The following COMMD10 variants were observed in gnomAD, a reference collection of about 807,000 sequenced individuals.
COMMD10 encodes COMM domain containing 10.
In COMMD10, 33 loss-of-function variants were observed where a neutral mutation model predicts 28.9. That is an observed-to-expected ratio of 1.14 (90% CI 0.87 to 1.53). COMMD10 has a LOEUF of 1.53. Ranked by LOEUF, COMMD10 falls within the 40% of genes most tolerant of loss-of-function variation. COMMD10 has a pLI of 0.00. For missense variants in COMMD10, 310 were observed against 233.4 expected (o/e 1.33, Z -2.14); for synonymous variants, 110 against 81.7 (o/e 1.35, Z -1.87).
intron 5 of COMMD10, among the ~76,000 whole-genome samples, chr5:116,230,692 T>C (rs1749507885): frequency 6.6e-6 from 1 of 152,040 alleles, no homozygotes; most frequent in Non-Finnish European, 1.5e-5. Context: ...GAAAGCAGTC[T>C]CCTCTTTTAC....
At chr5:116,218,136 TG>T in intron 5 of COMMD10, 1 of 1,232,662 alleles carries the variant, frequency 8.1e-7, no homozygotes, top group Non-Finnish European at 1.2e-6. Context: ...TTTCTCCCTT[TG>T]GGTACCTTCT....
intron 5 of COMMD10, among the ~76,000 whole-genome samples, chr5:116,187,041 G>C (rs542224263): frequency 2.1e-4 from 32 of 152,092 alleles, no homozygotes; most frequent in African/African-American, 7.7e-4. Context: ...TATTTATTGA[G>C]TACTACTCAG....
intron 5 of COMMD10, among the ~76,000 whole-genome samples, chr5:116,145,794 C>T (rs868862999): frequency 1.3e-5 from 2 of 151,888 alleles, no homozygotes; most frequent in Admixed American, 6.6e-5. Flanking sequence ...GGCTCTTACC[C>T]CTTTGCTCAG....
chr5:116,241,401 T>G, intron 5 of COMMD10, among the ~76,000 whole-genome samples: 1 of 152,060 alleles, frequency 6.6e-6, no homozygotes, highest in South Asian at 2.1e-4. Flanking sequence ...ATCTGTAATT[T>G]TCTGAGCCAC....
intron 5 of COMMD10, among the ~76,000 whole-genome samples, chr5:116,284,321 ATT>A (rs1297632332): frequency 2.0e-5 from 3 of 148,354 alleles, no homozygotes; most frequent in African/African-American, 5.2e-5. Context: ...CATCTAAAGG[ATT>A]GTATGTGTGT....
intron 5 of COMMD10, among the ~76,000 whole-genome samples, chr5:116,163,619 C>G (rs1464800597): frequency 6.6e-6 from 1 of 151,680 alleles, no homozygotes; most frequent in Non-Finnish European, 1.5e-5. Context: ...TAAAATAAAC[C>G]AAAAACTCAA....
chr5:116,091,278 A>G lies in COMMD10; in HGVS notation c.243+89A>G, dbSNP rs41296579. 181 of 580,466 alleles carry G rather than the reference A, an allele frequency of 3.1e-4. 1 individual carries two copies. Among genetic ancestry groups the G allele is most frequent in the Middle Eastern group, 9.4e-4 (2 of 2,124 alleles). The allele number at this position is 580,466 out of a possible 1,614,324, so 36.0% of individuals were successfully genotyped here. On this transcript the variant is annotated intron_variant, in intron 3 of 6. Transcript: ENST00000274458. ...TATCTATGACATTCTGTTTTTTTTA[A>G]TTAAAAAGTATGCAAGATGGAAGCT...
intron 5 of COMMD10, among the ~76,000 whole-genome samples, chr5:116,143,518 A>G (rs1296456755): frequency 2.0e-5 from 3 of 151,770 alleles, no homozygotes; most frequent in Non-Finnish European, 3.0e-5. Context: ...TACTGTCTTC[A>G]CTTGTCTTTT....
rs548377720 is a variant in COMMD10 at position 116,270,695 on chromosome 5, G to C, written c.511-20822G>C. On this transcript the variant is annotated intron_variant, in intron 5 of 6. Transcript: ENST00000274458. ...CTCACACCTGTAATCCCAGCACTTTGGGAGGCCGAGGTGGATGGATCAGCT... is the reference window on the plus strand; with the variant it reads ...CTCACACCTGTAATCCCAGCACTTTCGGAGGCCGAGGTGGATGGATCAGCT... Among the ~76,000 whole-genome samples the C allele has an allele frequency of 4.5e-4, 68 of 151,840 alleles. 1 individual carries two copies. Among genetic ancestry groups the C allele is most frequent in the Non-Finnish European group, 1.0e-4 (7 of 68,002 alleles).
chr5:116,086,103 C>T (rs1750082346), intron 1 of COMMD10, among the ~76,000 whole-genome samples: 1 of 152,136 alleles, frequency 6.6e-6, no homozygotes, highest in Admixed American at 6.5e-5. Flanking sequence ...TAGAGGATTC[C>T]ATTGGTTACT....
At chr5:116,206,340 A>G (rs1301461653) in intron 5 of COMMD10, among the ~76,000 whole-genome samples, 1 of 152,120 alleles carries the variant, frequency 6.6e-6, no homozygotes, top group Non-Finnish European at 1.5e-5. Flanking sequence ...GATTTCTAGC[A>G]CTGGAAAAGC....
At chr5:116,218,038 AG>A (rs1218253075) in intron 5 of COMMD10, 19 of 1,101,396 alleles carry the variant, frequency 1.7e-5, no homozygotes, top group Non-Finnish European at 2.6e-5. Context: ...TGGCACCTCC[AG>A]CACCTTCAGC....
chr5:116,244,543 A>G (rs1188114220), intron 5 of COMMD10, among the ~76,000 whole-genome samples: 1 of 151,860 alleles, frequency 6.6e-6, no homozygotes, highest in East Asian at 1.9e-4. Context: ...TACAGTAGAG[A>G]AATATCTGAG....
chr5:116,284,051 C>T (rs924707279), intron 5 of COMMD10, among the ~76,000 whole-genome samples: 1 of 151,522 alleles, frequency 6.6e-6, no homozygotes, highest in Non-Finnish European at 1.5e-5. Flanking sequence ...TCGTTTACAC[C>T]CAGGAGTTAG....
At chr5:116,237,345 G>A (rs1749694363) in intron 5 of COMMD10, among the ~76,000 whole-genome samples, 1 of 152,096 alleles carries the variant, frequency 6.6e-6, no homozygotes, top group Admixed American at 6.6e-5. Flanking sequence ...TTACAGAGTA[G>A]AATAGTAATG....
chr5:116,261,781 A>G (rs1166238021), intron 5 of COMMD10, among the ~76,000 whole-genome samples: 1 of 151,682 alleles, frequency 6.6e-6, no homozygotes, highest in Non-Finnish European at 1.5e-5. Context: ...AAATGTTACC[A>G]GTGGGTTCAG....
At chr5:116,123,968 A>G (rs1427308526) in intron 4 of COMMD10, among the ~76,000 whole-genome samples, 2 of 149,836 alleles carry the variant, frequency 1.3e-5, no homozygotes, top group Non-Finnish European at 3.0e-5. Context: ...TTTCTTCTTT[A>G]TTAATCTTGC....
chr5:116,230,462 T>G (rs1749501704), intron 5 of COMMD10, among the ~76,000 whole-genome samples: 1 of 152,052 alleles, frequency 6.6e-6, no homozygotes, highest in East Asian at 1.9e-4. Flanking sequence ...AACCAGGACT[T>G]CACATAGATG....
chr5:116,150,014 A>G (rs1752468446), intron 5 of COMMD10, among the ~76,000 whole-genome samples: 1 of 152,150 alleles, frequency 6.6e-6, no homozygotes, highest in African/African-American at 2.4e-5. Context: ...TCTTTAATCC[A>G]TCTTGAATTA....
Sources: gnomAD v4.1 joint callset for allele counts (sites outside exome capture counted in the v4.1 genomes callset) on GRCh38, gnomAD v4.1.1 for gene constraint, MANE v1.5 for transcripts, NCBI Gene and HGNC (gene_info 2026-07-23, HGNC 2026-07-21) for gene names.